Variants in ZBTB41 observed in about 807,000 individuals in gnomAD.
The protein encoded by ZBTB41 is zinc finger and BTB domain-containing protein 41.
ZBTB41 carries 42 observed loss-of-function variants against 87.6 expected under a neutral mutation model. That is an observed-to-expected ratio of 0.48 (90% CI 0.37 to 0.62). The LOEUF is 0.62. ZBTB41 is among the 20% of genes least tolerant of loss of function. ZBTB41 has a pLI of 0.00. For missense variants in ZBTB41, 799 were observed against 1,078.9 expected (o/e 0.74, Z 3.63); for synonymous variants, 364 against 364.0 (o/e 1.00, Z 0.00).
At chr1:197,175,509 G>GT (rs1160548962) in intron 8 of ZBTB41, among the ~76,000 whole-genome samples, 1 of 140,040 alleles carries the variant, frequency 7.1e-6, no homozygotes, top group African/African-American at 2.6e-5. Context: ...GTGTCTTACT[G>GT]TTTATAAAAA....
chr1:197,188,586 T>A (rs1659941238), intron 4 of ZBTB41, 147 bp from the exon 5 acceptor site: 2 of 795,526 alleles, frequency 2.5e-6, no homozygotes, highest in Non-Finnish European at 3.8e-6. Context: ...CAATTCTAAT[T>A]GTGCAGAAAA....
At chr1:197,181,647 C>T (rs1032113582) in intron 5 of ZBTB41, among the ~76,000 whole-genome samples, 2 of 151,612 alleles carry the variant, frequency 1.3e-5, no homozygotes, top group Non-Finnish European at 2.9e-5. Flanking sequence ...ACAAAGAATG[C>T]GTAAAAAAGA....
At chr1:197,189,217 A>T (rs980891130) in intron 4 of ZBTB41, among the ~76,000 whole-genome samples, 1 of 152,146 alleles carries the variant, frequency 6.6e-6, no homozygotes, top group Non-Finnish European at 1.5e-5. Context: ...ACAGCTAGGG[A>T]TGCCTTAAAA....
rs1659136849 is a variant in ZBTB41 at position 197,159,156 on chromosome 1, T to A, written c.*203A>T. The stretch of plus-strand genomic sequence containing the variant: ...ATAATCTTTAAAAATCACAAAAATG[T>A]GCACTTCAAATATTATGCCAGAAAT... On this transcript the variant is annotated 3_prime_UTR_variant, in exon 11 of 11. Coordinates refer to ENST00000367405, the MANE Select transcript of ZBTB41 (RefSeq NM_194314.3). 4 of 525,806 alleles carry A rather than the reference T, an allele frequency of 7.6e-6. No homozygotes were observed. The highest frequency in any genetic ancestry group is 1.3e-5 in the Non-Finnish European group (4 of 304,754). 32.6% of individuals were successfully genotyped at this position (525,806 alleles called of 1,614,324 possible).
chr1:197,194,837 T>C (rs749490836), intron 2 of ZBTB41, among the ~76,000 whole-genome samples: 12 of 152,312 alleles, frequency 7.9e-5, no homozygotes, highest in African/African-American at 2.6e-4. Context: ...GTTATCACCA[T>C]GGATTTGAAT....
rs1659121035 is a variant in ZBTB41, at chr1:197,158,384, C to T, written c.*975G>A. 6.6e-6 allele frequency: 1 copy of T among 152,376 alleles called. No individual in the cohort carries two copies. The allele number at this position is 152,376 out of a possible 1,614,324, so 9.4% of individuals were successfully genotyped here. ...ATAATCTGTTTGGCACCTTTTCTAA[C>T]AATTGAACACAAAATATCTAGGTTC... On this transcript the variant is annotated 3_prime_UTR_variant, in exon 11 of 11. Transcript: ENST00000367405.
intron 4 of ZBTB41, among the ~76,000 whole-genome samples, chr1:197,188,911 T>C (rs1273445440): frequency 6.6e-6 from 1 of 152,170 alleles, no homozygotes; most frequent in East Asian, 1.9e-4. Flanking sequence ...GCTGCTATAG[T>C]AACAGCACCA....
At chr1:197,186,591 G>A (rs1659889095) in intron 5 of ZBTB41, among the ~76,000 whole-genome samples, 1 of 152,206 alleles carries the variant, frequency 6.6e-6, no homozygotes, top group Admixed American at 6.5e-5. Context: ...GCCAGGCGTG[G>A]TGGCTCACGC....
intron 10 of ZBTB41, among the ~76,000 whole-genome samples, chr1:197,163,258 A>ATT (rs1659241484): frequency 1.3e-5 from 2 of 152,188 alleles, no homozygotes; most frequent in African/African-American, 4.8e-5. Flanking sequence ...GGCTTCTGTA[A>ATT]TTTTTAACTC....
intron 2 of ZBTB41, among the ~76,000 whole-genome samples, chr1:197,192,595 A>G (rs1660063862): frequency 6.6e-6 from 1 of 152,212 alleles, no homozygotes; most frequent in Admixed American, 6.5e-5. Context: ...ATTTTGAAAT[A>G]TATTTCCAAG....
At chr1:197,166,991 A>G (rs1320860993) in intron 10 of ZBTB41, among the ~76,000 whole-genome samples, 1 of 152,214 alleles carries the variant, frequency 6.6e-6, no homozygotes, top group African/African-American at 2.4e-5. Flanking sequence ...ACTGAAAAAG[A>G]TAAATTATTT....
chr1:197,200,464 T>C lies in ZBTB41; in HGVS notation c.10A>G (p.Arg4Gly), dbSNP rs1405236889. ...TCAAGATTTGAAGTAACCTTTCTCCTCTTCTTCATTGCAGTACAGCAATTT... is the reference window on the plus strand; with the variant it reads ...TCAAGATTTGAAGTAACCTTTCTCCCCTTCTTCATTGCAGTACAGCAATTT... MKK[R>G]RKVTSNLEKI... The change falls in exon 2 of 11, where the codon AGG becomes GGG. Residue 4 changes from arginine to glycine, a missense_variant. By Grantham distance (125) the Arg-to-Gly change is moderately radical. Coordinates refer to ENST00000367405, the MANE Select transcript of ZBTB41 (RefSeq NM_194314.3). 1 of 1,587,390 alleles carries C rather than the reference T, an allele frequency of 6.3e-7. No individual in the cohort carries two copies. Among genetic ancestry groups the C allele is most frequent in the African/African-American group, 1.4e-5 (1 of 73,734 alleles).
At chr1:197,200,638 G>C (rs924643012) in intron 1 of ZBTB41, 48 bp from the exon 2 acceptor site, 5 of 515,560 alleles carry the variant, frequency 9.7e-6, no homozygotes, top group Non-Finnish European at 6.5e-6. Flanking sequence ...GCAAAGCAAT[G>C]CTAAATCAGC....
At chr1:197,186,294 A>C (rs1217820953) in intron 5 of ZBTB41, among the ~76,000 whole-genome samples, 5 of 150,236 alleles carry the variant, frequency 3.3e-5, no homozygotes, top group Non-Finnish European at 3.0e-5. Context: ...AAAAAAAAAT[A>C]CATCTAGACA....
rs755002238 is a variant in ZBTB41 at position 197,199,622 on chromosome 1, A to G, written c.852T>C (p.Asn284=). 6.2e-7 allele frequency: 1 copy of G among 1,610,772 alleles called. No individual in the cohort carries two copies. The highest frequency in any genetic ancestry group is 1.1e-5 in the South Asian group (1 of 90,326). ...TTCTATCTGACTTTTCCTTATCAAA[A>G]TTTTCTTGATTCAAATTGTCTGACC... ...GDGSDNLNQE[N]FDKEKSDRND... The change falls in exon 2 of 11, where the codon AAT becomes AAC. Residue 284 remains asparagine, a synonymous_variant. Transcript: ENST00000367405.
chr1:197,200,270 C>G lies in ZBTB41; in HGVS notation c.204G>C (p.Gln68His). ...AATATTTTAGCAAATTCTTATTATA[C>G]TGCAAAGAACTTAAAAGCTTTCTCT... ...PDQRKLLSSL[Q>H]YNKNLLKYLN... The change falls in exon 2 of 11, where the codon CAG becomes CAC. Residue 68 changes from glutamine (Q) to histidine (H), a missense_variant. Physicochemically the swap from Gln to His is conservative, Grantham distance 24. This residue lies in a region of ZBTB41 where 59 missense variants were observed against 120.1 expected (regional missense o/e 0.49). Coordinates refer to ENST00000367405, the MANE Select transcript of ZBTB41 (RefSeq NM_194314.3). 1 of 1,612,546 alleles carries G rather than the reference C, an allele frequency of 6.2e-7. No individual in the cohort carries two copies. Among genetic ancestry groups the G allele is most frequent in the East Asian group, 2.2e-5 (1 of 44,874 alleles).
chr1:197,184,674 G>A (rs1659837231), intron 5 of ZBTB41, among the ~76,000 whole-genome samples: 1 of 152,034 alleles, frequency 6.6e-6, no homozygotes, highest in Non-Finnish European at 1.5e-5. Context: ...GGTTCACACT[G>A]TGTCCAAAAA....
intron 5 of ZBTB41, among the ~76,000 whole-genome samples, chr1:197,184,319 A>G (rs1659830021): frequency 6.6e-6 from 1 of 152,212 alleles, no homozygotes; most frequent in Non-Finnish European, 1.5e-5. Flanking sequence ...TAATCTTCCA[A>G]CATATACTAG....
intron 4 of ZBTB41, among the ~76,000 whole-genome samples, chr1:197,189,276 A>G (rs1659962810): frequency 6.6e-6 from 1 of 152,164 alleles, no homozygotes; most frequent in South Asian, 2.1e-4. Context: ...AATCCCGGGA[A>G]GCACTTTGGG....
Sources: gnomAD v4.1 joint callset for allele counts (sites outside exome capture counted in the v4.1 genomes callset) on GRCh38, gnomAD v4.1.1 for gene constraint, gnomAD v4.1.1 regional missense constraint, MANE v1.5 for transcripts, NCBI Gene and HGNC (gene_info 2026-07-23, HGNC 2026-07-21) for gene names.